EFHC2: variants seen among roughly 807,000 people sequenced by gnomAD.
The protein encoded by EFHC2 is EF-hand domain containing 2, also known as EF-hand domain-containing family member C2.
A neutral mutation model predicts 52.7 loss-of-function variants in EFHC2; 18 were observed. The ratio of observed to expected loss-of-function variants is 0.34; its 90% confidence interval spans 0.24 to 0.51. The LOEUF (loss-of-function observed/expected upper bound fraction) is 0.51, where lower values mean the gene tolerates loss of function less well. Ranked by LOEUF, EFHC2 falls within the 20% of genes least tolerant of loss-of-function variation. The probability of loss-of-function intolerance (pLI) is 0.97; values close to 1 mark genes in which losing one functional copy is unlikely to be tolerated. For missense variants in EFHC2, 513 were observed against 562.5 expected (o/e 0.91, Z 0.89); for synonymous variants, 203 against 204.1 (o/e 0.99, Z 0.04).
chrX:44,339,115 T>C (rs970400938), intron 1 of EFHC2, among the ~76,000 whole-genome samples: 2 of 107,689 alleles, frequency 1.9e-5, no homozygotes, highest in Non-Finnish European at 3.8e-5. Flanking sequence ...CGATTGAACC[T>C]GGGAGGCAGA....
At chrX:44,195,020 C>T (rs1259217636) in intron 11 of EFHC2, among the ~76,000 whole-genome samples, 3 of 112,102 alleles carry the variant, frequency 2.7e-5, no homozygotes, top group Non-Finnish European at 5.6e-5. Flanking sequence ...AAAGTCATTT[C>T]CATTCCCTCT....
At chrX:44,182,058 C>T (rs1373934909) in intron 11 of EFHC2, among the ~76,000 whole-genome samples, 1 of 111,875 alleles carries the variant, frequency 8.9e-6, no homozygotes, top group African/African-American at 3.2e-5. Context: ...AAAGCTCATA[C>T]CCATTGAGCA....
chrX:44,265,522 G>T (rs1009255171), intron 3 of EFHC2, among the ~76,000 whole-genome samples: 3 of 111,819 alleles, frequency 2.7e-5, no homozygotes, highest in Non-Finnish European at 5.6e-5. Context: ...TTTTGCCTCG[G>T]CCTCACAAAG....
intron 14 of EFHC2, 59 bp downstream of exon 14, chrX:44,163,863 A>T: frequency 1.3e-6 from 1 of 756,284 alleles, no homozygotes; most frequent in East Asian, 3.5e-5. Context: ...AAGATAAAGG[A>T]TATTAAACAT....
chrX:44,292,247 T>C (rs1403116383), intron 2 of EFHC2, among the ~76,000 whole-genome samples: 2 of 111,125 alleles, frequency 1.8e-5, no homozygotes, highest in East Asian at 5.6e-4. Flanking sequence ...TATGTACATA[T>C]GTAGGTTCGG....
intron 14 of EFHC2, among the ~76,000 whole-genome samples, chrX:44,151,612 T>TCTATTTAGGGAC (rs1184786890): frequency 3.6e-5 from 4 of 111,678 alleles, no homozygotes; most frequent in Admixed American, 2.9e-4. Context: ...AAGTCACCAA[T>TCTATTTAGGGAC]CAATGCATTT....
At chrX:44,159,516 C>T (rs1440863301) in intron 14 of EFHC2, among the ~76,000 whole-genome samples, 3 of 112,179 alleles carry the variant, frequency 2.7e-5, no homozygotes, top group African/African-American at 9.7e-5. Context: ...CAGAGTGCTT[C>T]GAACTCTTTG....
intron 3 of EFHC2, among the ~76,000 whole-genome samples, chrX:44,262,467 C>T (rs181770865): frequency 1.6e-3 from 138 of 84,661 alleles, no homozygotes; most frequent in Admixed American, 4.3e-3. Flanking sequence ...GAGCCATGAT[C>T]ACACCACTGT....
At chrX:44,220,314 T>G (rs1300704186) in intron 11 of EFHC2, among the ~76,000 whole-genome samples, 1 of 111,853 alleles carries the variant, frequency 8.9e-6, no homozygotes, top group African/African-American at 3.2e-5. Context: ...TCTGAGCACA[T>G]GAGTGGGGTC....
chrX:44,243,256 T>TAAAAC (rs913610056), intron 7 of EFHC2, among the ~76,000 whole-genome samples: 10 of 112,062 alleles, frequency 8.9e-5, no homozygotes, highest in Non-Finnish European at 9.4e-5. Context: ...ACATCTTTCC[T>TAAAAC]AAAACAAAAC....
chrX:44,222,825 T>C (rs1222930197), intron 11 of EFHC2, among the ~76,000 whole-genome samples: 1 of 111,885 alleles, frequency 8.9e-6, no homozygotes, highest in African/African-American at 3.2e-5. Context: ...TTGATACAGG[T>C]ATACATTTAG....
chrX:44,178,408 G>A lies in EFHC2; in HGVS notation c.1908C>T (p.Phe636=), dbSNP rs770789351. Residue 636 remains phenylalanine (F), a synonymous_variant, in exon 12 of 15, where the codon TTC becomes TTT. Coordinates refer to ENST00000420999, the MANE Select transcript of EFHC2 (RefSeq NM_025184.4). ...EKFKKNMFEN[F]DTFIYSCVYE... The stretch of plus-strand genomic sequence containing the variant: ...ACACACAGGAATAAATGAAAGTGTC[G>A]AAATTCTCAAACATATTTTTCTTGA... 5.9e-5 allele frequency: 71 copies of A among 1,199,505 alleles called. No individual in the cohort carries two copies. In the African/African-American group the frequency reaches 8.0e-4, roughly 14 times the overall value.
intron 2 of EFHC2, among the ~76,000 whole-genome samples, chrX:44,301,871 T>C (rs1188508747): frequency 1.8e-5 from 2 of 112,385 alleles, no homozygotes; most frequent in South Asian, 3.6e-4. Flanking sequence ...TATTGTTGTA[T>C]AGTTTTCATT....
At chrX:44,308,741 TA>T (rs1224618846) in intron 2 of EFHC2, among the ~76,000 whole-genome samples, 1 of 112,586 alleles carries the variant, frequency 8.9e-6, no homozygotes, top group Non-Finnish European at 1.9e-5. Flanking sequence ...ACGAGTATTT[TA>T]ATTCACTAAA....
intron 1 of EFHC2, among the ~76,000 whole-genome samples, chrX:44,339,279 T>C (rs1401357529): frequency 9.0e-6 from 1 of 110,945 alleles, no homozygotes; most frequent in Non-Finnish European, 1.9e-5. Flanking sequence ...CTGTCCAAAA[T>C]ACTGCAGAAA....
At chrX:44,311,368 A>AGAATC (rs2037946735) in intron 2 of EFHC2, among the ~76,000 whole-genome samples, 1 of 112,396 alleles carries the variant, frequency 8.9e-6, no homozygotes, top group Non-Finnish European at 1.9e-5. Context: ...CATTTTAATT[A>AGAATC]GAATCAAAGT....
intron 11 of EFHC2, among the ~76,000 whole-genome samples, chrX:44,195,744 C>T (rs1050728962): frequency 2.7e-4 from 30 of 111,292 alleles, no homozygotes; most frequent in African/African-American, 9.2e-4. Context: ...GGACCTTATC[C>T]CTGGGTATCC....
At chrX:44,201,793 AT>A (rs766085899) in intron 11 of EFHC2, among the ~76,000 whole-genome samples, 1 of 112,457 alleles carries the variant, frequency 8.9e-6, no homozygotes, top group African/African-American at 3.2e-5. Context: ...AACTCATCTT[AT>A]GAAGCAATTA....
intron 2 of EFHC2, chrX:44,309,171 T>C: frequency 3.0e-6 from 1 of 328,181 alleles, no homozygotes; most frequent in Non-Finnish European, 5.5e-6. Flanking sequence ...ACAGGACTGG[T>C]TGTGAGGTAG....
Sources: allele counts gnomAD v4.1 joint callset (sites outside exome capture counted in the v4.1 genomes callset), GRCh38; gene constraint gnomAD v4.1.1; transcripts MANE v1.5; gene names NCBI Gene and HGNC (gene_info 2026-07-23, HGNC 2026-07-21).